WDPCP: variants seen among roughly 807,000 people sequenced by gnomAD.
The protein encoded by WDPCP is WD repeat-containing and planar cell polarity effector protein fritz homolog.
In WDPCP, 71 loss-of-function variants were observed where a neutral mutation model predicts 93.1. That is an observed-to-expected ratio of 0.76 (90% confidence interval 0.63 to 0.93). The LOEUF (loss-of-function observed/expected upper bound fraction) is 0.93. Among genes scored for constraint, WDPCP ranks in the 40% least tolerant of loss-of-function variants. The probability of loss-of-function intolerance (pLI) is 0.00; values close to 1 mark genes in which losing one functional copy is unlikely to be tolerated. For missense variants in WDPCP, 844 were observed against 887.4 expected, an observed-to-expected ratio of 0.95 and a Z score of 0.62; for synonymous variants, 315 against 315.0, an observed-to-expected ratio of 1.00 and a Z score of 0.00.
chr2:63,561,638 G>A (rs1706636020), intron 1 of WDPCP, among the ~76,000 whole-genome samples: 1 of 152,052 alleles, frequency 6.6e-6, no homozygotes, highest in Admixed American at 6.5e-5. Flanking sequence ...ATCTGACAAA[G>A]GTCTAATATC....
At position 63,527,265 on chromosome 2, in the gene WDPCP, C is replaced by A. The variant is rs543446227; in HGVS notation, c.76-34325G>T. ...CTTTAAGTTCTAGGGTACATGTGCA[C>A]AACGTGCAGGTTTGTTACATATGTA... is the stretch of plus-strand genomic sequence containing the variant. On this transcript the variant is annotated intron_variant, in intron 1 of 17. Coordinates refer to ENST00000272321, the MANE Select transcript of WDPCP (RefSeq NM_015910.7). Among the ~76,000 whole-genome samples, 8 of 150,090 alleles carry A rather than the reference C, an allele frequency of 5.3e-5. No homozygotes were observed. In the East Asian group the frequency reaches 1.6e-3, roughly 29 times the overall value.
chr2:63,622,721 T>C (rs1709759373), intron 3 of WDPCP: 2 of 1,613,426 alleles, frequency 1.2e-6, no homozygotes, highest in Admixed American at 1.7e-5. Context: ...GTACTATGTC[T>C]TCCGTCAAGA....
intron 17 of WDPCP, among the ~76,000 whole-genome samples, chr2:63,149,070 A>G (rs1256331738): frequency 6.6e-6 from 1 of 152,182 alleles, no homozygotes; most frequent in East Asian, 1.9e-4. Flanking sequence ...CGTCAACCAC[A>G]AAGACAGGAA....
intron 1 of WDPCP, among the ~76,000 whole-genome samples, chr2:63,545,166 A>G (rs1477795235): frequency 6.6e-6 from 1 of 152,118 alleles, no homozygotes; most frequent in African/African-American, 2.4e-5. Context: ...GGATTACAGA[A>G]TTCCCTGGCT....
At chr2:63,769,999 C>T (rs569849687) in intron 2 of WDPCP, among the ~76,000 whole-genome samples, 2 of 151,854 alleles carry the variant, frequency 1.3e-5, no homozygotes, top group African/African-American at 4.8e-5. Context: ...AAGACAAATG[C>T]CATGTATGAG....
intron 13 of WDPCP, among the ~76,000 whole-genome samples, chr2:63,298,750 T>C (rs578249880): frequency 4.9e-4 from 75 of 152,272 alleles, no homozygotes; most frequent in Admixed American, 1.4e-3. Flanking sequence ...AAAGGTCCTA[T>C]GTAGTCTACC....
At chr2:63,456,123 A>G (rs915112873) in intron 6 of WDPCP, among the ~76,000 whole-genome samples, 6 of 152,198 alleles carry the variant, frequency 3.9e-5, no homozygotes, top group Non-Finnish European at 5.9e-5. Flanking sequence ...ATATCAAAAT[A>G]AATGCAAATG....
intron 2 of WDPCP, among the ~76,000 whole-genome samples, chr2:63,757,857 T>C (rs1669992463): frequency 6.6e-6 from 1 of 152,222 alleles, no homozygotes; most frequent in Non-Finnish European, 1.5e-5. Context: ...GCCCAGGTCC[T>C]TGAGTCACTA....
At chr2:63,302,705 G>A (rs191460756) in intron 13 of WDPCP, among the ~76,000 whole-genome samples, 1 of 152,204 alleles carries the variant, frequency 6.6e-6, no homozygotes, top group African/African-American at 2.4e-5. Context: ...TGTGAGGTTG[G>A]TGTCAAGCTG....
rs113666984 is a variant in WDPCP, at chr2:63,709,586, T to C, written n.309-58748A>G. Among the ~76,000 whole-genome samples, 1,470 of 152,330 alleles carry C rather than the reference T, an allele frequency of 9.7e-3. 10 individuals are homozygous for C. The highest frequency in any genetic ancestry group is 0.014 in the Non-Finnish European group (980 of 68,018). ...TATGAATTTAAGTCTATGGTCTATGTGGTGCTAATTCCTAATAATTCCTAA... is the reference window on the plus strand; with the variant it reads ...TATGAATTTAAGTCTATGGTCTATGCGGTGCTAATTCCTAATAATTCCTAA... On this transcript the variant is annotated intron_variant and non_coding_transcript_variant, in intron 2 of 4. Coordinates refer to the WDPCP transcript ENST00000467687.
intron 17 of WDPCP, among the ~76,000 whole-genome samples, chr2:63,149,030 C>G (rs1671719314): frequency 6.6e-6 from 1 of 152,070 alleles, no homozygotes; most frequent in African/African-American, 2.4e-5. Context: ...ATGGTGCATT[C>G]TTGTCTTTAA....
intron 1 of WDPCP, among the ~76,000 whole-genome samples, chr2:63,546,837 GAA>G (rs1705186364): frequency 1.3e-5 from 2 of 151,842 alleles, no homozygotes; most frequent in Non-Finnish European, 1.5e-5. Flanking sequence ...ATCAGGCACA[GAA>G]AATAAATAAC....
chr2:63,622,217 C>T lies in WDPCP; in HGVS notation n.488+28442G>A, dbSNP rs1272557882. ...GCTGCTGCTGCTTCTTGGTGGCCGC[C>T]TTGCTGGCGAGGTCCTTGGCCTTCT... On this transcript the variant is annotated intron_variant and non_coding_transcript_variant, in intron 3 of 4. Coordinates refer to the WDPCP transcript ENST00000467687. 3.7e-6 allele frequency: 6 copies of T among 1,605,996 alleles called. No individual in the cohort carries two copies. In the Admixed American group the frequency reaches 1.0e-4, roughly 27 times the overall value.
At chr2:63,739,161 A>G (rs761147557) in intron 2 of WDPCP, among the ~76,000 whole-genome samples, 1 of 151,946 alleles carries the variant, frequency 6.6e-6, no homozygotes, top group Non-Finnish European at 1.5e-5. Context: ...CAATAGCTAT[A>G]TTTTCTGCTC....
At chr2:63,633,845 T>C (rs535060157) in intron 3 of WDPCP, among the ~76,000 whole-genome samples, 3 of 152,286 alleles carry the variant, frequency 2.0e-5, no homozygotes, top group African/African-American at 7.2e-5. Context: ...GTGGATCACT[T>C]GTGTTCAGGA....
chr2:63,698,575 G>A (rs999673607), intron 2 of WDPCP, among the ~76,000 whole-genome samples: 2 of 152,188 alleles, frequency 1.3e-5, no homozygotes, highest in African/African-American at 4.8e-5. Context: ...GGAAAGTCAA[G>A]TCAGGTAACA....
At chr2:63,832,424 T>G (rs556426186), upstream of WDPCP, among the ~76,000 whole-genome samples, 1 of 149,738 alleles carries the variant, frequency 6.7e-6, no homozygotes, top group Non-Finnish European at 1.5e-5. Context: ...CTCCAGGTGT[T>G]GGGGTGGGGG....
intron 17 of WDPCP, among the ~76,000 whole-genome samples, chr2:63,132,391 T>C (rs985486466): frequency 6.6e-6 from 1 of 151,930 alleles, no homozygotes; most frequent in African/African-American, 2.4e-5. Context: ...ATCCTCAGAT[T>C]GGGTAAGTTT....
At chr2:63,454,291 TG>T (rs1189123790) in intron 6 of WDPCP, among the ~76,000 whole-genome samples, 1 of 151,444 alleles carries the variant, frequency 6.6e-6, no homozygotes, top group African/African-American at 2.4e-5. Flanking sequence ...CACTCATAAG[TG>T]GGCATTGAAC....
Sources: allele counts gnomAD v4.1 joint callset (sites outside exome capture counted in the v4.1 genomes callset), GRCh38; gene constraint gnomAD v4.1.1; transcripts MANE v1.5; gene names NCBI Gene and HGNC (gene_info 2026-07-23, HGNC 2026-07-21).